ZNF474: variants seen among roughly 807,000 people sequenced by gnomAD.
ZNF474 encodes the protein 4933409D10Rik.
For synonymous variants in ZNF474, 192 were observed against 162.2 expected, an observed-to-expected ratio of 1.18 and a Z score of -1.39; for missense variants, 511 against 433.8, an observed-to-expected ratio of 1.18 and a Z score of -1.58.
At chr5:122,140,969 G>A (rs992242591) in intron 1 of ZNF474, among the ~76,000 whole-genome samples, 27 of 152,120 alleles carry the variant, frequency 1.8e-4, no homozygotes, top group African/African-American at 6.0e-4. Flanking sequence ...ATGCCAAGGG[G>A]ACATTTAATG....
intron 1 of ZNF474, among the ~76,000 whole-genome samples, chr5:122,130,034 T>C (rs1296602513): frequency 1.3e-5 from 2 of 152,188 alleles, no homozygotes; most frequent in African/African-American, 2.4e-5. Context: ...ATTTTTAAAA[T>C]AACTTTCTTC....
chr5:122,143,566 G>A (rs544738455), intron 1 of ZNF474, among the ~76,000 whole-genome samples: 1 of 152,130 alleles, frequency 6.6e-6, no homozygotes, highest in Non-Finnish European at 1.5e-5. Flanking sequence ...GTCGAGAAGG[G>A]GCTACTATAC....
chr5:122,143,860 T>C (rs1310419436), intron 1 of ZNF474, among the ~76,000 whole-genome samples: 1 of 152,210 alleles, frequency 6.6e-6, no homozygotes, highest in African/African-American at 2.4e-5. Flanking sequence ...TTGTCTTAAA[T>C]AGAAGAGTAG....
At chr5:122,138,254 A>C (rs1319734303) in intron 1 of ZNF474, among the ~76,000 whole-genome samples, 1 of 152,190 alleles carries the variant, frequency 6.6e-6, no homozygotes, top group East Asian at 1.9e-4. Flanking sequence ...TAGGAAACAA[A>C]AACATGCTAA....
chr5:122,151,867 C>A lies in ZNF474; in HGVS notation c.-124C>A. 1 of 1,218,862 alleles carries A rather than the reference C, an allele frequency of 8.2e-7. No individual in the cohort carries two copies. Among genetic ancestry groups the A allele is most frequent in the Non-Finnish European group, 1.1e-6 (1 of 882,656 alleles). 75.5% of individuals were successfully genotyped at this position (1,218,862 alleles called of 1,614,324 possible). A position where few individuals can be genotyped will look rare whatever the true frequency, so the allele number is the denominator to read the frequency against. On this transcript the variant is annotated 5_prime_UTR_variant, in exon 2 of 2. Coordinates refer to ENST00000296600, the MANE Select transcript of ZNF474 (RefSeq NM_207317.3). The stretch of plus-strand genomic sequence containing the variant: ...AAGCTCTGAGTCACGGTCTGTGAGG[C>A]TAAGGTACTGGCAACGGTGTGAACC...
At position 122,148,723 on chromosome 5, in the gene ZNF474, G is replaced by A. The variant is rs567260586; in HGVS notation, c.-212-3056G>A. Among the ~76,000 whole-genome samples, 132 of 152,136 alleles carry A rather than the reference G, an allele frequency of 8.7e-4. 1 individual carries two copies. The highest frequency in any genetic ancestry group is 3.1e-3 in the African/African-American group (128 of 41,522). Reference sequence around the variant, plus strand: ...TAGAAAACAACTGTATATGGCAAAAGTGATTCTTTTTTTTCTTTTTTTTTT... The same window carrying A: ...TAGAAAACAACTGTATATGGCAAAAATGATTCTTTTTTTTCTTTTTTTTTT... On this transcript the variant is annotated intron_variant, in intron 1 of 1. Transcript: ENST00000296600.
chr5:122,150,018 A>G (rs112060585), intron 1 of ZNF474, among the ~76,000 whole-genome samples: 4,605 of 151,870 alleles, frequency 0.03, 218 homozygotes, highest in African/African-American at 0.1. Flanking sequence ...GATTGCATTG[A>G]TTTTTCTAAT....
At position 122,146,916 on chromosome 5, in the gene ZNF474, T is replaced by A. The variant is rs549620157; in HGVS notation, c.-212-4863T>A. Among the ~76,000 whole-genome samples the A allele has an allele frequency of 2.6e-5, 4 of 152,316 alleles. No individual in the cohort carries two copies. In the South Asian group the frequency reaches 8.3e-4, roughly 32 times the overall value. On this transcript the variant is annotated intron_variant, in intron 1 of 1. Transcript: ENST00000296600. ...TTGTTCTCTTCTTCCTTTTCAAGAA[T>A]TGTTCTTACAAGTTCCACACAATAT...
In ZNF474 at chr5:122,152,989, G is replaced by C. The variant is rs1183214435; in HGVS notation, c.999G>C (p.Lys333Asn). ...GCCTAAAAGAGTACACTAATTCCAA[G>C]CAGCAAAGGAACAGGGCAGCACCCA... is the stretch of plus-strand genomic sequence containing the variant. ...KGGLKEYTNS[K>N]QQRNRAAPSV... is the part of the protein sequence containing the mutation. Residue 333 changes from lysine to asparagine, a missense_variant, in exon 2 of 2, where the codon AAG becomes AAC. By Grantham distance (94) the Lys-to-Asn change is moderately conservative. Transcript: ENST00000296600. The C allele has an allele frequency of 3.7e-6, 6 of 1,613,874 alleles. No homozygotes were observed. Among genetic ancestry groups the C allele is most frequent in the African/African-American group, 1.3e-5 (1 of 74,922 alleles).
At position 122,152,879 on chromosome 5, in the gene ZNF474, G is replaced by C; in HGVS notation, c.889G>C (p.Asp297His). 1 of 1,614,118 alleles carries C rather than the reference G, an allele frequency of 6.2e-7. No individual in the cohort carries two copies. The highest frequency in any genetic ancestry group is 1.7e-5 in the Admixed American group (1 of 60,012). Reference sequence around the variant, plus strand: ...ACATTGTAGCCGAATCTTTACCTCAGACCGCCTCCTGGTACACCAGAGAAG... The same window carrying C: ...ACATTGTAGCCGAATCTTTACCTCACACCGCCTCCTGGTACACCAGAGAAG... ...CPHCSRIFTS[D>H]RLLVHQRSCK... Residue 297 changes from aspartate to histidine, a missense_variant, in exon 2 of 2, where the codon GAC becomes CAC. Coordinates refer to ENST00000296600, the MANE Select transcript of ZNF474 (RefSeq NM_207317.3).
Position 122,139,487 on chromosome 5 carries a change from A to T in ZNF474, c.-213+9804A>T, listed in dbSNP as rs76354603. 5.5e-3 allele frequency among the ~76,000 whole-genome samples: 837 copies of T among 152,292 alleles called. 9 individuals carry two copies. Among genetic ancestry groups the T allele is most frequent in the African/African-American group, 0.019 (794 of 41,576 alleles). On this transcript the variant is annotated intron_variant, in intron 1 of 1. Transcript: ENST00000296600. ...AAGGATCAAGATTTGTGACCTAAAA[A>T]ATTGTCATTACTTCATGATATTTAC... is the stretch of plus-strand genomic sequence containing the variant.
chr5:122,133,890 A>G (rs1402456564), intron 1 of ZNF474, among the ~76,000 whole-genome samples: 1 of 152,186 alleles, frequency 6.6e-6, no homozygotes, highest in African/African-American at 2.4e-5. Context: ...AATCTTATCT[A>G]TTATTTCTAA....
At chr5:122,132,340 T>G (rs1349100113) in intron 1 of ZNF474, among the ~76,000 whole-genome samples, 3 of 152,140 alleles carry the variant, frequency 2.0e-5, no homozygotes, top group Non-Finnish European at 4.4e-5. Flanking sequence ...TTTAGGTAAT[T>G]ATTTAAAATG....
intron 1 of ZNF474, among the ~76,000 whole-genome samples, chr5:122,145,401 C>A (rs914767638): frequency 6.6e-6 from 1 of 152,126 alleles, no homozygotes; most frequent in African/African-American, 2.4e-5. Context: ...GCCATGGTAC[C>A]AGACGCTGCC....
chr5:122,141,967 T>G (rs1219627455), intron 1 of ZNF474, among the ~76,000 whole-genome samples: 1 of 152,224 alleles, frequency 6.6e-6, no homozygotes, highest in African/African-American at 2.4e-5. Context: ...GCCCCTCACT[T>G]CTAATGCTGC....
At chr5:122,136,435 T>G (rs926234792) in intron 1 of ZNF474, among the ~76,000 whole-genome samples, 12 of 152,212 alleles carry the variant, frequency 7.9e-5, no homozygotes, top group Admixed American at 5.9e-4. Context: ...CTCCTTCAGC[T>G]TTCTACCTAG....
chr5:122,141,696 C>T (rs956943723), intron 1 of ZNF474, among the ~76,000 whole-genome samples: 3 of 152,154 alleles, frequency 2.0e-5, no homozygotes, highest in Admixed American at 2.0e-4. Context: ...GCCTTGGCCT[C>T]CCAAAGTGCT....
intron 1 of ZNF474, among the ~76,000 whole-genome samples, chr5:122,143,331 A>G (rs1377103219): frequency 2.0e-5 from 3 of 152,156 alleles, no homozygotes; most frequent in Non-Finnish European, 4.4e-5. Flanking sequence ...TCAGAAGTCT[A>G]TGTCAAAAGT....
At chr5:122,137,946 C>G (rs181532327) in intron 1 of ZNF474, among the ~76,000 whole-genome samples, 1 of 152,210 alleles carries the variant, frequency 6.6e-6, no homozygotes, top group Non-Finnish European at 1.5e-5. Context: ...GAGGCGCACC[C>G]GTTCACCTGC....
Sources: allele counts gnomAD v4.1 joint callset (sites outside exome capture counted in the v4.1 genomes callset), GRCh38; gene constraint gnomAD v4.1.1; transcripts MANE v1.5; gene names NCBI Gene and HGNC (gene_info 2026-07-23, HGNC 2026-07-21).